The following PCDH7 variants were observed in gnomAD, a reference collection of about 807,000 sequenced individuals.
PCDH7 encodes protocadherin-7.
Under a neutral mutation model 58.9 loss-of-function variants are expected in PCDH7, and 17 were observed. The observed-to-expected ratio is 0.29, with a 90% CI of 0.20 to 0.43. The LOEUF (loss-of-function observed/expected upper bound fraction) is 0.43, where lower values mean the gene tolerates loss of function less well. Among genes scored for constraint, PCDH7 ranks in the 20% least tolerant of loss-of-function variants. The probability of loss-of-function intolerance (pLI) is 1.00; values close to 1 mark genes in which losing one functional copy is unlikely to be tolerated. For synonymous variants in PCDH7, 664 were observed against 616.4 expected (o/e 1.08, Z -1.14); for missense variants, 1,274 against 1,441.0 (o/e 0.88, Z 1.88).
intron 3 of PCDH7, among the ~76,000 whole-genome samples, chr4:31,109,740 C>A (rs1368152207): frequency 6.6e-6 from 1 of 152,150 alleles, no homozygotes; most frequent in Non-Finnish European, 1.5e-5. Context: ...GTTTGCTTTC[C>A]AAAATACGTA....
intron 1 of PCDH7, among the ~76,000 whole-genome samples, chr4:30,897,131 C>T (rs893876955): frequency 1.3e-5 from 2 of 151,918 alleles, no homozygotes; most frequent in South Asian, 2.1e-4. Flanking sequence ...TTCTTGATCT[C>T]CTGACCTCGT....
intron 1 of PCDH7, among the ~76,000 whole-genome samples, chr4:30,753,780 A>G (rs1382907354): frequency 2.0e-5 from 3 of 152,204 alleles, no homozygotes; most frequent in Admixed American, 1.3e-4. Context: ...AAGAATTGTG[A>G]TAGAGCCTTT....
At chr4:30,934,438 A>AG (rs879421271) in intron 2 of PCDH7, among the ~76,000 whole-genome samples, 1 of 152,116 alleles carries the variant, frequency 6.6e-6, no homozygotes, top group African/African-American at 2.4e-5. Flanking sequence ...AAAATACATT[A>AG]TTACTCTTCT....
At chr4:30,751,430 T>G (rs774807818) in intron 1 of PCDH7, among the ~76,000 whole-genome samples, 1 of 152,180 alleles carries the variant, frequency 6.6e-6, no homozygotes, top group Non-Finnish European at 1.5e-5. Flanking sequence ...TTCTTCTGTT[T>G]CCCAAGTATA....
intron 1 of PCDH7, among the ~76,000 whole-genome samples, chr4:30,878,578 C>T (rs921702905): frequency 6.6e-6 from 1 of 152,000 alleles, no homozygotes; most frequent in African/African-American, 2.4e-5. Flanking sequence ...GATCACTCAC[C>T]CCCAGTCTAT....
intron 3 of PCDH7, among the ~76,000 whole-genome samples, chr4:31,061,771 A>T (rs1757708152): frequency 6.6e-6 from 1 of 151,630 alleles, no homozygotes; most frequent in Admixed American, 6.6e-5. Flanking sequence ...TGAAAGTGAA[A>T]TTTTTACTGA....
At chr4:30,927,384 T>C (rs1371004087) in intron 2 of PCDH7, among the ~76,000 whole-genome samples, 3 of 151,910 alleles carry the variant, frequency 2.0e-5, no homozygotes, top group African/African-American at 7.3e-5. Flanking sequence ...GAACGGGCCA[T>C]GATGACAATG....
At chr4:31,125,215 C>A (rs1003596712) in intron 3 of PCDH7, among the ~76,000 whole-genome samples, 2 of 152,106 alleles carry the variant, frequency 1.3e-5, no homozygotes, top group African/African-American at 2.4e-5. Context: ...TGGGAGAAAA[C>A]CTCCAGGAAA....
chr4:31,127,276 T>C (rs556270424), intron 3 of PCDH7, among the ~76,000 whole-genome samples: 3 of 152,194 alleles, frequency 2.0e-5, no homozygotes, highest in Non-Finnish European at 4.4e-5. Context: ...AAGTCATCTA[T>C]GGGAAAGATG....
At chr4:31,040,010 T>C (rs1172736910) in intron 3 of PCDH7, among the ~76,000 whole-genome samples, 1 of 152,178 alleles carries the variant, frequency 6.6e-6, no homozygotes, top group Admixed American at 6.5e-5. Context: ...CAAGATGATA[T>C]AGTGCTGCCT....
At chr4:30,951,727 TC>T (rs1160502553) in intron 3 of PCDH7, among the ~76,000 whole-genome samples, 1 of 152,190 alleles carries the variant, frequency 6.6e-6, no homozygotes, top group Non-Finnish European at 1.5e-5. Flanking sequence ...AAATTATTAT[TC>T]ATTTTATGTA....
chr4:30,809,782 G>A (rs1017062819), intron 1 of PCDH7, among the ~76,000 whole-genome samples: 5 of 151,984 alleles, frequency 3.3e-5, no homozygotes, highest in East Asian at 1.9e-4. Context: ...TACTTTCGAC[G>A]CCCTAGTAAA....
chr4:30,767,815 GAAT>G (rs1415002553), intron 1 of PCDH7, among the ~76,000 whole-genome samples: 1 of 152,114 alleles, frequency 6.6e-6, no homozygotes, highest in Non-Finnish European at 1.5e-5. Flanking sequence ...AAACTTTTCA[GAAT>G]AATAAAAAAT....
intron 3 of PCDH7, among the ~76,000 whole-genome samples, chr4:31,119,401 C>T (rs1041305514): frequency 1.3e-5 from 2 of 152,020 alleles, no homozygotes; most frequent in African/African-American, 4.8e-5. Flanking sequence ...AGCTGAAAAT[C>T]TATATAAAGT....
downstream of PCDH7, chr4:31,144,638 T>C (rs1720557119): frequency 6.6e-6 from 1 of 152,174 alleles, no homozygotes; most frequent in South Asian, 2.1e-4. Flanking sequence ...GCCTGGAATA[T>C]AGGTTGATAA....
At chr4:30,744,625 C>G (rs549336246) in intron 1 of PCDH7, among the ~76,000 whole-genome samples, 2 of 152,254 alleles carry the variant, frequency 1.3e-5, no homozygotes, top group Admixed American at 6.5e-5. Context: ...CTGACTGATT[C>G]CTAGAAAGGA....
chr4:31,004,655 C>T (rs572698639), intron 3 of PCDH7, among the ~76,000 whole-genome samples: 202 of 152,278 alleles, frequency 1.3e-3, no homozygotes, highest in African/African-American at 4.8e-3. Context: ...CACTGCACTC[C>T]AGCCTGGGCA....
chr4:30,824,232 A>G (rs77778182), intron 1 of PCDH7, among the ~76,000 whole-genome samples: 12,706 of 150,726 alleles, frequency 0.084, 745 homozygotes, highest in Middle Eastern at 0.16. Context: ...TCTTCTTCAT[A>G]AAGCTGACCT....
intron 3 of PCDH7, among the ~76,000 whole-genome samples, chr4:30,983,243 A>G (rs1196632482): frequency 2.6e-5 from 4 of 152,218 alleles, no homozygotes; most frequent in Non-Finnish European, 5.9e-5. Flanking sequence ...GTCTACATCT[A>G]TAAGTGTATT....
Sources: allele counts gnomAD v4.1 joint callset (sites outside exome capture counted in the v4.1 genomes callset), GRCh38; gene constraint gnomAD v4.1.1; transcripts MANE v1.5; gene names NCBI Gene and HGNC (gene_info 2026-07-23, HGNC 2026-07-21).